CROCC: variants seen among roughly 807,000 people sequenced by gnomAD.
The protein encoded by CROCC is ciliary rootlet coiled-coil, rootletin.
A neutral mutation model predicts 245.2 loss-of-function variants in CROCC; 180 were observed. That is an observed-to-expected ratio of 0.73 (90% CI 0.65 to 0.83). CROCC has a LOEUF of 0.83. CROCC is among the 40% of genes least tolerant of loss of function. CROCC has a pLI of 0.00. For missense variants in CROCC, 2,688 were observed against 2,779.4 expected (o/e 0.97, Z 0.74); for synonymous variants, 1,205 against 1,241.6 (o/e 0.97, Z 0.62).
rs1192357486 is a variant in CROCC at position 16,966,806 on chromosome 1, TC to T, written c.4860+237del. Among the ~76,000 whole-genome samples, 1 of 152,154 alleles carries T rather than the reference TC, an allele frequency of 6.6e-6. No homozygotes were observed. The highest frequency in any genetic ancestry group is 2.4e-5 in the African/African-American group (1 of 41,424). On this transcript the variant is annotated intron_variant, in intron 30 of 36. Transcript: ENST00000375541. This position sits in a 1 kb window ranked among gnomAD's most constrained non-coding sequence, Gnocchi z 4.8. ...AAGGTGCAGTAGCTCATGCCTGTAA[TC>T]CTAGCACTTTGGGAGGTCGAGGCAG...
At chr1:16,947,499 A>AATAATG (rs1444933787) in intron 17 of CROCC, among the ~76,000 whole-genome samples, 1 of 150,878 alleles carries the variant, frequency 6.6e-6, no homozygotes. Flanking sequence ...TAATAATAAT[A>AATAATG]ATGATACAGA....
rs2076155387 is a variant in CROCC, at chr1:16,951,266, T to C, written c.3006+144T>C. 2.1e-5 allele frequency: 15 copies of C among 707,554 alleles called. No individual in the cohort carries two copies. In the South Asian group the frequency reaches 2.7e-4, roughly 13 times the overall value. 43.8% of individuals were successfully genotyped at this position (707,554 alleles called of 1,614,324 possible). ...GGGACAGCTAGGAGGACTGGGGGGA[T>C]GGGGAGGTTGTGGTTCTTATTAGAC... On this transcript the variant is annotated intron_variant, in intron 20 of 36. Transcript: ENST00000375541.
chr1:16,921,338 GT>G (rs1258713501), upstream of CROCC, among the ~76,000 whole-genome samples: 2 of 152,290 alleles, frequency 1.3e-5, no homozygotes, highest in African/African-American at 4.8e-5. Context: ...GGCATTTGTA[GT>G]TCGAGGCTCT....
chr1:16,930,527 C>T lies in CROCC; in HGVS notation c.782C>T (p.Thr261Ile), dbSNP rs1299289036. 3.7e-6 allele frequency: 6 copies of T among 1,612,534 alleles called. No individual in the cohort carries two copies. Among genetic ancestry groups the T allele is most frequent in the Admixed American group, 1.7e-5 (1 of 60,018 alleles). The change falls in exon 7 of 37, where the codon ACC becomes ATC. Residue 261 changes from threonine (T) to isoleucine (I), a missense_variant. By Grantham distance (89) the Thr-to-Ile change is moderately conservative (BLOSUM62 -1). Around this residue, in one of 9 missense-constraint regions of CROCC, gnomAD observed 972 missense variants for 895.3 expected, o/e 1.09. Transcript: ENST00000375541. ...CTGAGTGAGGACATACGAAAGGTGA[C>T]CAATGACTGGACACGCTGCCGCAAG... ...QALSEDIRKV[T>I]NDWTRCRKEL...
chr1:16,958,076 C>T (rs961784183), intron 25 of CROCC, among the ~76,000 whole-genome samples: 3 of 152,152 alleles, frequency 2.0e-5, no homozygotes, highest in African/African-American at 7.2e-5. Context: ...TGTGTGTGGG[C>T]TGTGTGACTT....
At position 16,946,767 on chromosome 1, in the gene CROCC, G is replaced by A. The variant is rs1378756685; in HGVS notation, c.2290G>A (p.Glu764Lys). The change falls in exon 17 of 37, where the codon GAA becomes AAA. Residue 764 changes from glutamate to lysine, a missense_variant. Glu to Lys is a moderately conservative substitution (Grantham distance 56). Coordinates refer to ENST00000375541, the MANE Select transcript of CROCC (RefSeq NM_014675.5). ...DLNRLVAQLE[E>K]EKSALQGRQR... is the part of the protein sequence containing the mutation. ...ACTCCTACCTGGCCTCCAGCTGGAG[G>A]AAGAAAAGTCCGCCCTGCAGGGCCG... 2 of 1,551,428 alleles carry A rather than the reference G, an allele frequency of 1.3e-6. No individual in the cohort carries two copies. Among genetic ancestry groups the A allele is most frequent in the African/African-American group, 1.4e-5 (1 of 73,210 alleles).
chr1:16,925,000 C>G (rs1308058064), intron 3 of CROCC, among the ~76,000 whole-genome samples: 1 of 152,286 alleles, frequency 6.6e-6, no homozygotes, highest in African/African-American at 2.4e-5. Flanking sequence ...GCAGGCCTGT[C>G]TTCATGTCCA....
At chr1:16,939,712 G>A (rs531872489) in intron 12 of CROCC, among the ~76,000 whole-genome samples, 182 bp from the exon 13 acceptor site, 1 of 152,204 alleles carries the variant, frequency 6.6e-6, no homozygotes, top group Non-Finnish European at 1.5e-5. Context: ...GGGTGGCGAG[G>A]GCACATAGGA....
At chr1:16,938,085 C>CA (rs1267110282) in intron 10 of CROCC, among the ~76,000 whole-genome samples, 1 of 152,278 alleles carries the variant, frequency 6.6e-6, no homozygotes, top group Admixed American at 6.5e-5. Context: ...AGCTGCCCCC[C>CA]ACCCCCACCA....
In CROCC at chr1:16,939,877, G is replaced by A. The variant is rs2075885729; in HGVS notation, c.1609-17G>A. On this transcript the variant is annotated splice_polypyrimidine_tract_variant and intron_variant, in intron 12 of 36. Transcript: ENST00000375541. ...CCTCTCAGGCCCCCCCAGACTCTGT[G>A]ACCCCCCACACCCCAGGACATGCGT... The A allele has an allele frequency of 1.9e-6, 3 of 1,611,164 alleles. No individual in the cohort carries two copies. Among genetic ancestry groups the A allele is most frequent in the Non-Finnish European group, 2.5e-6 (3 of 1,179,380 alleles).
At position 16,946,306 on chromosome 1, in the gene CROCC, G is replaced by A. The variant is rs767630890; in HGVS notation, c.2184G>A (p.Arg728=). 16 of 1,613,444 alleles carry A rather than the reference G, an allele frequency of 9.9e-6. No homozygotes were observed. The African/African-American group carries it at 1.6e-4, about 16-fold the overall frequency. ...VELELSMTKL[R]AEEASLQDSL... ...TCGAGCTCTCCATGACCAAGCTGAG[G>A]GCAGAGGAGGCCTCCCTGCAGGACT... is the stretch of plus-strand genomic sequence containing the variant. Residue 728 remains arginine, a synonymous_variant, in exon 16 of 37, where the codon AGG becomes AGA. Coordinates refer to ENST00000375541, the MANE Select transcript of CROCC (RefSeq NM_014675.5).
chr1:16,953,087 T>C (rs1183361468), intron 20 of CROCC: 3 of 559,262 alleles, frequency 5.4e-6, no homozygotes, highest in Non-Finnish European at 6.4e-6. Context: ...CAGGGGACCA[T>C]GTTCGGACCC....
chr1:16,971,449 C>T lies in CROCC; in HGVS notation c.5785-16C>T, dbSNP rs1435150269. Reference sequence around the variant, plus strand: ...TCACACTGGGCCAGAACGCGGACCACAGCCCCTCCCTGCAGGCGCAGGTGG... The same window carrying T: ...TCACACTGGGCCAGAACGCGGACCATAGCCCCTCCCTGCAGGCGCAGGTGG... On this transcript the variant is annotated splice_polypyrimidine_tract_variant and intron_variant, in intron 35 of 36. Transcript: ENST00000375541. 17 of 1,529,250 alleles carry T rather than the reference C, an allele frequency of 1.1e-5. No homozygotes were observed. The highest frequency in any genetic ancestry group is 2.3e-4 in the Middle Eastern group (1 of 4,352). The allele number at this position is 1,529,250 out of a possible 1,614,324, so 94.7% of individuals were successfully genotyped here. A position where few individuals can be genotyped will look rare whatever the true frequency, so the allele number is the denominator to read the frequency against.
At chr1:16,915,268 C>A (rs1183021367) in intron 1 of CROCC, among the ~76,000 whole-genome samples, 1 of 152,294 alleles carries the variant, frequency 6.6e-6, no homozygotes, top group African/African-American at 2.4e-5. Context: ...CAAGGGGAAT[C>A]ATTTCTTTTT....
rs763847894 is a variant in CROCC at position 16,945,591 on chromosome 1, C to G, written c.2121C>G (p.Ala707=). ...DMLQAEKAEV[A]EALTKAEAGR... ...TGCAGGCCGAGAAGGCCGAGGTGGC[C>G]GAGGCGCTGACCAAGGTGGGTCCCT... The change falls in exon 15 of 37, where the codon GCC becomes GCG. Residue 707 remains alanine, a synonymous_variant. Transcript: ENST00000375541. 1.9e-6 allele frequency: 3 copies of G among 1,612,380 alleles called. No individual in the cohort carries two copies. Among genetic ancestry groups the G allele is most frequent in the Admixed American group, 1.7e-5 (1 of 59,912 alleles).
intron 3 of CROCC, among the ~76,000 whole-genome samples, chr1:16,928,878 G>A (rs1002117420): frequency 6.6e-6 from 1 of 152,200 alleles, no homozygotes; most frequent in African/African-American, 2.4e-5. Flanking sequence ...CCAGGCTGGA[G>A]TGCAGTGGCA....
At chr1:16,931,258 A>T (rs191113066) in intron 7 of CROCC, 33 bp from the exon 8 acceptor site, 1 of 1,583,270 alleles carries the variant, frequency 6.3e-7, no homozygotes, top group Non-Finnish European at 8.7e-7. Flanking sequence ...CCGCTCTCAC[A>T]CCAACCCTTC....
At chr1:16,946,570 C>G (rs1270835491) in intron 16 of CROCC, among the ~76,000 whole-genome samples, 165 bp downstream of exon 16, 1 of 152,292 alleles carries the variant, frequency 6.6e-6, no homozygotes, top group African/African-American at 2.4e-5. Context: ...CCCCTCTAGG[C>G]GTCAAAGCAC....
chr1:16,972,006 A>G (rs2076529697), intron 36 of CROCC, among the ~76,000 whole-genome samples: 1 of 152,186 alleles, frequency 6.6e-6, no homozygotes. Flanking sequence ...CTCAGATCAC[A>G]TACCCCTTCC....
Sources: gnomAD v4.1 joint callset for allele counts (sites outside exome capture counted in the v4.1 genomes callset) on GRCh38, gnomAD v4.1.1 for gene constraint, gnomAD v4.1.1 regional missense constraint, Gnocchi (gnomAD v3.1) non-coding constraint, MANE v1.5 for transcripts, NCBI Gene and HGNC (gene_info 2026-07-23, HGNC 2026-07-21) for gene names.